Variants in BHMT2 observed in about 807,000 individuals in gnomAD.
The protein encoded by BHMT2 is betaine--homocysteine S-methyltransferase 2.
BHMT2 carries 28 observed loss-of-function variants against 39.0 expected under a neutral mutation model. The observed-to-expected ratio is 0.72, with a 90% confidence interval of 0.53 to 0.98. The LOEUF (loss-of-function observed/expected upper bound fraction) is 0.98, where lower values mean the gene tolerates loss of function less well. BHMT2 is among the 50% of genes least tolerant of loss of function. BHMT2 has a pLI of 0.00. For synonymous variants in BHMT2, 145 were observed against 160.6 expected (o/e 0.90, Z 0.74); for missense variants, 410 against 455.6 (o/e 0.90, Z 0.91).
intron 7 of BHMT2, among the ~76,000 whole-genome samples, chr5:79,085,927 G>C (rs1328976834): frequency 2.0e-5 from 3 of 152,142 alleles, no homozygotes; most frequent in Non-Finnish European, 4.4e-5. Flanking sequence ...TAAGAAGAAA[G>C]AGGATGGATA....
intron 7 of BHMT2, among the ~76,000 whole-genome samples, chr5:79,087,008 G>GTATATATATATATATA (rs1346154516): frequency 9.5e-6 from 1 of 105,224 alleles, no homozygotes; most frequent in Non-Finnish European, 1.9e-5. Context: ...ATGTGTGTGT[G>GTATATATATATATATA]TGTGTGTATA....
intron 1 of BHMT2, among the ~76,000 whole-genome samples, chr5:79,073,332 A>C (rs769778987): frequency 2.0e-5 from 3 of 152,220 alleles, no homozygotes; most frequent in Non-Finnish European, 2.9e-5. Context: ...GTTTGTACAC[A>C]GTAACTGTAC....
At chr5:79,087,010 G>A (rs867821269) in intron 7 of BHMT2, among the ~76,000 whole-genome samples, 19 of 113,418 alleles carry the variant, frequency 1.7e-4, no homozygotes, top group South Asian at 5.4e-4. Flanking sequence ...GTGTGTGTGT[G>A]TGTGTATATA....
In BHMT2 at chr5:79,088,659, C is replaced by G; in HGVS notation, c.*85C>G. On this transcript the variant is annotated 3_prime_UTR_variant, in exon 8 of 8. Coordinates refer to ENST00000255192, the MANE Select transcript of BHMT2 (RefSeq NM_017614.5). ...CCTGGAACCGTTCCTCACCTTCATC[C>G]TCACCATGCCCTGCTATCTCCAGCT... The G allele has an allele frequency of 1.9e-6, 2 of 1,039,408 alleles. No individual in the cohort carries two copies. Among genetic ancestry groups the G allele is most frequent in the African/African-American group, 1.6e-5 (1 of 63,182 alleles). 64.4% of individuals were successfully genotyped at this position (1,039,408 alleles called of 1,614,324 possible).
At chr5:79,075,915 T>C (rs1453187041) in intron 1 of BHMT2, among the ~76,000 whole-genome samples, 1 of 152,210 alleles carries the variant, frequency 6.6e-6, no homozygotes, top group East Asian at 1.9e-4. Flanking sequence ...TTACAGCTCC[T>C]GAAGCCCCAG....
chr5:79,084,189 C>A (rs1350597446), intron 7 of BHMT2, among the ~76,000 whole-genome samples: 2 of 152,168 alleles, frequency 1.3e-5, no homozygotes, highest in African/African-American at 4.8e-5. Context: ...AGCAGGCATT[C>A]CTTATAGATG....
At chr5:79,071,633 G>A (rs1755579622) in intron 1 of BHMT2, among the ~76,000 whole-genome samples, 1 of 152,032 alleles carries the variant, frequency 6.6e-6, no homozygotes, top group African/African-American at 2.4e-5. Flanking sequence ...TAATGGTGAG[G>A]AACAACACAC....
intron 7 of BHMT2, among the ~76,000 whole-genome samples, chr5:79,086,364 A>T (rs1002473751): frequency 2.0e-5 from 3 of 152,148 alleles, no homozygotes; most frequent in Non-Finnish European, 4.4e-5. Flanking sequence ...TTTCCAGGGG[A>T]CAGTCAAATG....
intron 6 of BHMT2, 30 bp downstream of exon 6, chr5:79,083,404 G>A (rs890412592): frequency 1.5e-5 from 23 of 1,549,140 alleles, no homozygotes; most frequent in Non-Finnish European, 2.0e-5. Flanking sequence ...AGAGGTCCTT[G>A]TATTTCTCGT....
Position 79,088,602 on chromosome 5 carries a change from AT to A in BHMT2, c.*29del, listed in dbSNP as rs1488160738. 1 of 1,602,940 alleles carries A rather than the reference AT, an allele frequency of 6.2e-7. No homozygotes were observed. Among genetic ancestry groups the A allele is most frequent in the Non-Finnish European group, 8.5e-7 (1 of 1,171,482 alleles). ...AGTAGTGAAAGAAAACCCTGAAATA[AT>A]CGAACAGGAAAAAGTTGCCCTCAAG... On this transcript the variant is annotated 3_prime_UTR_variant, in exon 8 of 8. Transcript: ENST00000255192.
intron 4 of BHMT2, 43 bp downstream of exon 4, chr5:79,080,921 A>G (rs1755776071): frequency 6.7e-7 from 1 of 1,501,366 alleles, no homozygotes. Context: ...CTATTTTGCA[A>G]GCATAACTGC....
At chr5:79,077,428 GAAAAA>G (rs11414970) in intron 1 of BHMT2, 47 bp from the exon 2 acceptor site, 15 of 1,361,146 alleles carry the variant, frequency 1.1e-5, no homozygotes, top group Non-Finnish European at 1.5e-5. Flanking sequence ...ATGCTTTTAG[GAAAAA>G]AAAAAAAAGT....
At chr5:79,078,674 G>A (rs1482773716) in intron 2 of BHMT2, among the ~76,000 whole-genome samples, 27 of 152,262 alleles carry the variant, frequency 1.8e-4, no homozygotes. Context: ...TGGCCGTTAT[G>A]ATTGGTGCAT....
In BHMT2 at chr5:79,082,932, T is replaced by C; in HGVS notation, c.574T>C (p.Cys192Arg). 1.2e-6 allele frequency: 2 copies of C among 1,614,146 alleles called. No homozygotes were observed. The highest frequency in any genetic ancestry group is 1.7e-6 in the Non-Finnish European group (2 of 1,180,032). ...CATGCATGATATAACCCCCGGAGAA[T>C]GTGCTGTGAGGCTGGTGAAGGCAGG... ...GDMHDITPGE[C>R]AVRLVKAGAS... Residue 192 changes from cysteine to arginine, a missense_variant, in exon 5 of 8, where the codon TGT becomes CGT. By Grantham distance (180) the Cys-to-Arg change is radical. Coordinates refer to ENST00000255192, the MANE Select transcript of BHMT2 (RefSeq NM_017614.5).
chr5:79,076,893 T>A (rs1755682459), intron 1 of BHMT2, among the ~76,000 whole-genome samples: 1 of 152,240 alleles, frequency 6.6e-6, no homozygotes, highest in African/African-American at 2.4e-5. Flanking sequence ...TTAAGAAATC[T>A]GCCTCATATG....
intron 2 of BHMT2, among the ~76,000 whole-genome samples, chr5:79,079,092 A>G (rs185718502): frequency 2.2e-4 from 34 of 152,324 alleles, no homozygotes; most frequent in African/African-American, 7.2e-4. Flanking sequence ...CCAAGAGACC[A>G]AGGGTTAATT....
In BHMT2 at chr5:79,083,123, C is replaced by A. The variant is rs61306964; in HGVS notation, c.599-69C>A. On this transcript the variant is annotated intron_variant, in intron 5 of 7. Transcript: ENST00000255192. ...AGGGGAATGGCTAACCTCTAAGGTA[C>A]CTTCCAACTATTAAAAAAAAAGAAT... 1.8e-4 allele frequency: 287 copies of A among 1,589,014 alleles called. No homozygotes were observed. The Middle Eastern group carries it at 1.9e-3, about 10-fold the overall frequency.
At chr5:79,078,388 G>A (rs1015215319) in intron 2 of BHMT2, among the ~76,000 whole-genome samples, 1 of 152,114 alleles carries the variant, frequency 6.6e-6, no homozygotes, top group African/African-American at 2.4e-5. Context: ...CTAAATTAAA[G>A]TGAGAAAATA....
intron 7 of BHMT2, among the ~76,000 whole-genome samples, chr5:79,087,639 C>A (rs1052607607): frequency 6.6e-6 from 1 of 152,150 alleles, no homozygotes; most frequent in South Asian, 2.1e-4. Context: ...GTGGAAAAAA[C>A]AATAAAAATA....
Sources: gnomAD v4.1 joint callset for allele counts (sites outside exome capture counted in the v4.1 genomes callset) on GRCh38, gnomAD v4.1.1 for gene constraint, MANE v1.5 for transcripts, NCBI Gene and HGNC (gene_info 2026-07-23, HGNC 2026-07-21) for gene names.